SPATA13: variants seen among roughly 807,000 people sequenced by gnomAD.
SPATA13 encodes spermatogenesis associated 13.
A neutral mutation model predicts 104.0 loss-of-function variants in SPATA13; 50 were observed. The observed-to-expected ratio is 0.48, with a 90% CI of 0.38 to 0.61. The LOEUF (loss-of-function observed/expected upper bound fraction) is 0.61, where lower values mean the gene tolerates loss of function less well. Ranked by LOEUF, SPATA13 falls within the 20% of genes least tolerant of loss-of-function variation. The pLI is 0.00. For synonymous variants in SPATA13, 606 were observed against 667.5 expected (o/e 0.91, Z 1.42); for missense variants, 1,524 against 1,690.6 (o/e 0.90, Z 1.73).
chr13:24,209,645 A>G (rs7333022), intron 1 of SPATA13, among the ~76,000 whole-genome samples: 68,802 of 152,052 alleles, frequency 0.45, 16,300 homozygotes, highest in East Asian at 0.72. Flanking sequence ...TATACACCAC[A>G]TTTTCTTTAT....
intron 1 of SPATA13, among the ~76,000 whole-genome samples, chr13:24,183,600 T>G (rs922362220): frequency 3.2e-4 from 27 of 84,008 alleles, no homozygotes; most frequent in African/African-American, 1.0e-3. Flanking sequence ...ATGAGATTTC[T>G]TTACATTTTT....
At chr13:24,078,065 C>G (rs1879391351) in intron 3 of SPATA13, among the ~76,000 whole-genome samples, 1 of 152,120 alleles carries the variant, frequency 6.6e-6, no homozygotes, top group Non-Finnish European at 1.5e-5. Flanking sequence ...ATGGAGTTTC[C>G]CAGTCCCACC....
intron 1 of SPATA13, among the ~76,000 whole-genome samples, chr13:24,190,790 G>A (rs1869688090): frequency 2.0e-5 from 3 of 152,150 alleles, no homozygotes; most frequent in Non-Finnish European, 2.9e-5. Flanking sequence ...GACAACAAAG[G>A]ATTTAGAATA....
chr13:24,240,338 T>C (rs188018821), intron 2 of SPATA13, among the ~76,000 whole-genome samples: 6 of 152,312 alleles, frequency 3.9e-5, no homozygotes, highest in Non-Finnish European at 8.8e-5. Flanking sequence ...TACTATTGAT[T>C]TTGAGATGGC....
intron 3 of SPATA13, among the ~76,000 whole-genome samples, chr13:24,071,063 C>A (rs1879144789): frequency 2.0e-5 from 3 of 152,266 alleles, no homozygotes; most frequent in African/African-American, 7.2e-5. Flanking sequence ...CCTGGAGAAC[C>A]ATGATGAATG....
At chr13:24,067,741 G>A (rs556079396) in intron 3 of SPATA13, among the ~76,000 whole-genome samples, 1 of 152,290 alleles carries the variant, frequency 6.6e-6, no homozygotes, top group African/African-American at 2.4e-5. Context: ...GTCTCACTCT[G>A]TCGCCTAGGC....
At position 24,302,797 on chromosome 13, in the gene SPATA13, G is replaced by C; in HGVS notation, c.*24G>C. On this transcript the variant is annotated 3_prime_UTR_variant, in exon 13 of 13. Coordinates refer to ENST00000382108, the MANE Select transcript of SPATA13 (RefSeq NM_001166271.3). ...GAAAACAGGAGGCTGTGCTTCCATGGAGCTGGGTGTCAAGAGAAGAACTGT... is the reference window on the plus strand; with the variant it reads ...GAAAACAGGAGGCTGTGCTTCCATGCAGCTGGGTGTCAAGAGAAGAACTGT... The C allele has an allele frequency of 6.2e-7, 1 of 1,614,006 alleles. No homozygotes were observed. The highest frequency in any genetic ancestry group is 8.5e-7 in the Non-Finnish European group (1 of 1,179,970).
intron 3 of SPATA13, among the ~76,000 whole-genome samples, chr13:24,148,734 A>G (rs887179054): frequency 6.6e-6 from 1 of 152,226 alleles, no homozygotes; most frequent in African/African-American, 2.4e-5. Flanking sequence ...TTAATGGACC[A>G]AACACATCAG....
rs373157511 is a variant in SPATA13, at chr13:24,223,628, C to T, written c.699C>T (p.Ala233=). ...CGATAGCCACTGGCCAGGTGCCCGC[C>T]GTGTGTGAGATTCTCGTGAGGGACC... The part of the protein sequence containing the change: ...TPTIATGQVP[A]VCEILVRDPE... Residue 233 remains alanine, a synonymous_variant, in exon 2 of 13, where the codon GCC becomes GCT. Transcript: ENST00000382108. The T allele has an allele frequency of 1.9e-5, 30 of 1,551,788 alleles. No individual in the cohort carries two copies. The highest frequency in any genetic ancestry group is 1.7e-4 in the Middle Eastern group (1 of 6,016).
chr13:24,289,268 ATTGT>A (rs767074548), intron 8 of SPATA13, 90 bp downstream of exon 8: 18 of 1,114,196 alleles, frequency 1.6e-5, no homozygotes, highest in East Asian at 2.5e-5. Flanking sequence ...CTTTTGTTTT[ATTGT>A]TTGTTTGCTA....
chr13:24,230,425 T>C (rs965875602), intron 2 of SPATA13, among the ~76,000 whole-genome samples: 3 of 152,004 alleles, frequency 2.0e-5, no homozygotes, highest in Admixed American at 1.3e-4. Flanking sequence ...AGTGGCAGAA[T>C]TGGGGAGGGA....
chr13:24,274,357 A>G (rs768657128), intron 4 of SPATA13, among the ~76,000 whole-genome samples: 6 of 152,210 alleles, frequency 3.9e-5, no homozygotes, highest in Non-Finnish European at 8.8e-5. Flanking sequence ...ATCCTTCCCC[A>G]CTACCACCAC....
chr13:24,208,406 A>G (rs1204323026), intron 1 of SPATA13, among the ~76,000 whole-genome samples: 1 of 152,252 alleles, frequency 6.6e-6, no homozygotes, highest in East Asian at 1.9e-4. Flanking sequence ...CCTGAGGAAT[A>G]TTGAAGTGAA....
intron 7 of SPATA13, 31 bp from the exon 8 acceptor site, chr13:24,288,968 A>C (rs1876145502): frequency 6.4e-7 from 1 of 1,558,212 alleles, no homozygotes; most frequent in South Asian, 1.2e-5. Flanking sequence ...TTGGATTTCC[A>C]AATAAAAAGT....
chr13:24,227,813 G>A lies in SPATA13; in HGVS notation c.1653+3231G>A, dbSNP rs563719728. ...TCAAACTCCTGGCCTCAAGTGATTC[G>A]CCTACCTCAGCCTTCCAAAGTGCTA... On this transcript the variant is annotated intron_variant, in intron 2 of 12. Transcript: ENST00000382108. Among the ~76,000 whole-genome samples the A allele has an allele frequency of 5.9e-5, 9 of 152,140 alleles. 1 individual carries two copies. The South Asian group carries it at 1.7e-3, about 28-fold the overall frequency.
At chr13:24,178,206 A>G (rs1868553410) in intron 1 of SPATA13, among the ~76,000 whole-genome samples, 1 of 152,206 alleles carries the variant, frequency 6.6e-6, no homozygotes, top group Non-Finnish European at 1.5e-5. Flanking sequence ...AAAAATTTCC[A>G]GAAGGCGCAA....
chr13:24,047,711 G>T (rs1473666630), intron 3 of SPATA13, among the ~76,000 whole-genome samples: 1 of 152,036 alleles, frequency 6.6e-6, no homozygotes, highest in East Asian at 1.9e-4. Flanking sequence ...TTTCATGTTG[G>T]CTTTTTCACT....
intron 3 of SPATA13, among the ~76,000 whole-genome samples, chr13:24,107,237 CAAAAAAAA>C (rs11421515): frequency 2.9e-5 from 1 of 34,266 alleles, no homozygotes; most frequent in Non-Finnish European, 4.6e-5. Context: ...GAACAAGAGG[CAAAAAAAA>C]AAAAAAAAAA....
chr13:24,102,665 G>A (rs569218726), intron 3 of SPATA13, among the ~76,000 whole-genome samples: 2 of 151,918 alleles, frequency 1.3e-5, no homozygotes, highest in South Asian at 4.2e-4. Flanking sequence ...GTAGAGATGG[G>A]GTTTCACCAC....
Sources: allele counts gnomAD v4.1 joint callset (sites outside exome capture counted in the v4.1 genomes callset), GRCh38; gene constraint gnomAD v4.1.1; transcripts MANE v1.5; gene names NCBI Gene and HGNC (gene_info 2026-07-23, HGNC 2026-07-21).